Variants in ATP11A observed in about 807,000 individuals in gnomAD.
ATP11A encodes phospholipid-transporting ATPase IH.
A neutral mutation model predicts 154.4 loss-of-function variants in ATP11A; 81 were observed. The observed-to-expected ratio is 0.52, with a 90% CI of 0.44 to 0.63. The LOEUF (loss-of-function observed/expected upper bound fraction) is 0.63. Ranked by LOEUF, ATP11A falls within the 30% of genes least tolerant of loss-of-function variation. ATP11A has a pLI of 0.00. For missense variants in ATP11A, 1,316 were observed against 1,474.3 expected (o/e 0.89, Z 1.76); for synonymous variants, 623 against 585.9 (o/e 1.06, Z -0.91).
intron 2 of ATP11A, among the ~76,000 whole-genome samples, chr13:112,800,291 C>T (rs2078099903): frequency 6.6e-6 from 1 of 151,488 alleles, no homozygotes; most frequent in Non-Finnish European, 1.5e-5. Context: ...ACACAAATTC[C>T]AAACATCAGA....
At chr13:112,874,283 C>A (rs536218118) in intron 27 of ATP11A, among the ~76,000 whole-genome samples, 1 of 152,176 alleles carries the variant, frequency 6.6e-6, no homozygotes, top group Non-Finnish European at 1.5e-5. Flanking sequence ...GAGAGGGGCC[C>A]GGACCAGGCT....
At chr13:112,818,241 C>T (rs948391534) in intron 6 of ATP11A, among the ~76,000 whole-genome samples, 1 of 147,960 alleles carries the variant, frequency 6.8e-6, no homozygotes, top group South Asian at 2.2e-4. Flanking sequence ...GGGCGGTGAC[C>T]GTTGGTGCGC....
At chr13:112,711,900 T>C (rs1457743703) in intron 1 of ATP11A, among the ~76,000 whole-genome samples, 2 of 152,304 alleles carry the variant, frequency 1.3e-5, no homozygotes, top group Admixed American at 1.3e-4. Context: ...ACTCACTTTC[T>C]GGAGCACATA....
At position 112,794,119 on chromosome 13, in the gene ATP11A, C is replaced by T. The variant is rs116220293; in HGVS notation, c.162+8862C>T. Among the ~76,000 whole-genome samples, 642 of 152,300 alleles carry T rather than the reference C, an allele frequency of 4.2e-3. 7 individuals carry two copies. The highest frequency in any genetic ancestry group is 0.015 in the African/African-American group (612 of 41,570). On this transcript the variant is annotated intron_variant, in intron 2 of 29. Coordinates refer to ENST00000375645, the MANE Select transcript of ATP11A (RefSeq NM_015205.3). Reference sequence around the variant, plus strand: ...GTGAAGAGAGGTGCCAAGCACCACTCGGTTTTCCCAGATTTCCTGTAGGAG... The same window carrying T: ...GTGAAGAGAGGTGCCAAGCACCACTTGGTTTTCCCAGATTTCCTGTAGGAG...
At chr13:112,745,102 T>C (rs1349227866) in intron 1 of ATP11A, among the ~76,000 whole-genome samples, 1 of 152,258 alleles carries the variant, frequency 6.6e-6, no homozygotes, top group African/African-American at 2.4e-5. Flanking sequence ...TCTTACTCTG[T>C]TGCTGAGGCT....
chr13:112,873,957 A>C (rs1054953762), intron 27 of ATP11A, among the ~76,000 whole-genome samples: 1 of 152,212 alleles, frequency 6.6e-6, no homozygotes, highest in African/African-American at 2.4e-5. Flanking sequence ...ATTCCGCACC[A>C]GGGGACCCAT....
intron 15 of ATP11A, 34 bp downstream of exon 15, chr13:112,834,694 A>C (rs753605686): frequency 6.6e-7 from 1 of 1,512,776 alleles, no homozygotes; most frequent in Non-Finnish European, 9.2e-7. Context: ...ATGTGAAAGG[A>C]CTAACGAATA....
intron 25 of ATP11A, among the ~76,000 whole-genome samples, chr13:112,864,054 C>A (rs1408147706): frequency 3.2e-5 from 2 of 62,908 alleles, no homozygotes; most frequent in East Asian, 5.6e-4. Flanking sequence ...CCATCACCAC[C>A]TGCACAGTAA....
chr13:112,802,407 T>C (rs983734215), intron 2 of ATP11A, among the ~76,000 whole-genome samples: 1 of 143,818 alleles, frequency 7.0e-6, no homozygotes, highest in Non-Finnish European at 1.5e-5. Context: ...AGCCTGGGAG[T>C]AGATCCACCC....
chr13:112,850,453 C>T (rs1409423173), intron 17 of ATP11A, among the ~76,000 whole-genome samples: 2 of 152,178 alleles, frequency 1.3e-5, no homozygotes, highest in Admixed American at 1.3e-4. Context: ...CGGCTGCATT[C>T]TCTCTGTATG....
chr13:112,832,800 T>A (rs919001516), intron 13 of ATP11A, 60 bp from the exon 14 acceptor site: 2 of 1,569,970 alleles, frequency 1.3e-6, no homozygotes, highest in African/African-American at 1.4e-5. Context: ...TGCGCCTGTT[T>A]CCCTCTATCT....
chr13:112,735,709 A>C (rs1019905577), intron 1 of ATP11A, among the ~76,000 whole-genome samples: 1 of 152,182 alleles, frequency 6.6e-6, no homozygotes, highest in Non-Finnish European at 1.5e-5. Context: ...TGCATCCTCA[A>C]ATAGCTCCAG....
Position 112,746,024 on chromosome 13 carries a change from G to A in ATP11A, c.40-39111G>A, listed in dbSNP as rs409896. On this transcript the variant is annotated intron_variant, in intron 1 of 29. Coordinates refer to ENST00000375645, the MANE Select transcript of ATP11A (RefSeq NM_015205.3). The surrounding 1 kb of genome is among the most constrained non-coding windows in gnomAD (Gnocchi z 4.1). ...CATTTCAGTGGACTCATCCTGTGTC[G>A]TTTTGTGGCGGAATCACGTTCTGTT... The A allele has an allele frequency of 1.3e-5, 2 of 152,178 alleles. No homozygotes were observed. Among genetic ancestry groups the A allele is most frequent in the Admixed American group, 6.5e-5 (1 of 15,284 alleles). The allele number at this position is 152,178 out of a possible 1,614,324, so 9.4% of individuals were successfully genotyped here.
At chr13:112,881,743 G>T in intron 29 of ATP11A, 133 bp from the exon 30 acceptor site, 1 of 1,329,592 alleles carries the variant, frequency 7.5e-7, no homozygotes, top group Non-Finnish European at 1.0e-6. Flanking sequence ...GTGCATCCCA[G>T]AGTGGCTCAG....
intron 1 of ATP11A, among the ~76,000 whole-genome samples, chr13:112,731,940 G>C (rs1221025448): frequency 2.1e-5 from 3 of 144,882 alleles, no homozygotes; most frequent in East Asian, 2.0e-4. Context: ...ATGGGGGCGG[G>C]GGGGGGCAGG....
chr13:112,734,271 G>A (rs1422673792), intron 1 of ATP11A, among the ~76,000 whole-genome samples: 1 of 152,148 alleles, frequency 6.6e-6, no homozygotes, highest in African/African-American at 2.4e-5. Context: ...TGAGGCAGGT[G>A]CAGGGGGCGG....
chr13:112,875,946 G>C lies in ATP11A; in HGVS notation c.3327+5G>C, dbSNP rs556269532. 8 of 1,606,286 alleles carry C rather than the reference G, an allele frequency of 5.0e-6. No homozygotes were observed. The Admixed American group carries it at 6.7e-5, about 13-fold the overall frequency. ...ACAGCAACAGAGAGAGTCCAGGTAC[G>C]GAGTGTCCCCAGCCGGGGCGGGGGT... On this transcript the variant is annotated splice_donor_5th_base_variant and intron_variant, in intron 28 of 29. Transcript: ENST00000375645. This position sits in a 1 kb window ranked among gnomAD's most constrained non-coding sequence, Gnocchi z 4.1.
chr13:112,878,765 C>G (rs1455465444), intron 29 of ATP11A, among the ~76,000 whole-genome samples: 1 of 152,238 alleles, frequency 6.6e-6, no homozygotes, highest in Admixed American at 6.5e-5. Context: ...GCCCATTCTG[C>G]AGCTGGAAAG....
In ATP11A at chr13:112,761,572, C is replaced by CCTT. The variant is rs1159971567; in HGVS notation, c.40-23562_40-23561insTTC. Reference sequence around the variant, plus strand: ...GGAATGCCCTGGGGTCTTGGAAGCACCCCTGAGGATAAAGGGGACATCGTG... The same window carrying CCTT: ...GGAATGCCCTGGGGTCTTGGAAGCACCTTCCCTGAGGATAAAGGGGACATCGTG... On this transcript the variant is annotated intron_variant, in intron 1 of 29. Transcript: ENST00000375645. Among the ~76,000 whole-genome samples the CCTT allele has an allele frequency of 4.0e-5, 6 of 150,112 alleles. No individual in the cohort carries two copies. In the East Asian group the frequency reaches 1.2e-3, roughly 29 times the overall value.
Sources: allele counts gnomAD v4.1 joint callset (sites outside exome capture counted in the v4.1 genomes callset), GRCh38; gene constraint gnomAD v4.1.1; non-coding constraint Gnocchi (gnomAD v3.1); transcripts MANE v1.5; gene names NCBI Gene and HGNC (gene_info 2026-07-23, HGNC 2026-07-21).